The following FER1L6 variants were observed in gnomAD, a reference collection of about 807,000 sequenced individuals.
FER1L6 encodes the protein fer-1 like family member 6.
A neutral mutation model predicts 219.2 loss-of-function variants in FER1L6; 177 were observed. The ratio of observed to expected loss-of-function variants is 0.81; its 90% confidence interval spans 0.71 to 0.91. FER1L6 has a LOEUF of 0.91. Ranked by LOEUF, FER1L6 falls within the 40% of genes least tolerant of loss-of-function variation. The probability of loss-of-function intolerance (pLI) is 0.00; values close to 1 mark genes in which losing one functional copy is unlikely to be tolerated. For missense variants in FER1L6, 2,153 were observed against 2,259.9 expected (o/e 0.95, Z 0.96); for synonymous variants, 768 against 824.3 (o/e 0.93, Z 1.17).
chr8:124,044,252 G>A (rs1819626470), intron 20 of FER1L6, among the ~76,000 whole-genome samples: 1 of 152,190 alleles, frequency 6.6e-6, no homozygotes, highest in South Asian at 2.1e-4. Flanking sequence ...TTGCATTGCA[G>A]CTTTTTAACT....
At chr8:123,964,356 A>G (rs1362949976) in intron 3 of FER1L6, among the ~76,000 whole-genome samples, 4 of 152,164 alleles carry the variant, frequency 2.6e-5, no homozygotes, top group African/African-American at 9.7e-5. Context: ...ACTATCAATA[A>G]AACAAATTAG....
chr8:124,094,976 C>T lies in FER1L6; in HGVS notation c.4633C>T (p.Leu1545=). ...GGATATCCCGGAAGTCGGGTGTAGG[C>T]TGGTTCCTGAACACATAGAAACTCG... ...WEDIPEVGCR[L]VPEHIETRPL... Residue 1545 remains leucine, a synonymous_variant, in exon 35 of 41, where the codon CTG becomes TTG. Transcript: ENST00000522917. 1 of 1,614,120 alleles carries T rather than the reference C, an allele frequency of 6.2e-7. No individual in the cohort carries two copies. The highest frequency in any genetic ancestry group is 8.5e-7 in the Non-Finnish European group (1 of 1,179,996).
intron 6 of FER1L6, among the ~76,000 whole-genome samples, chr8:123,972,611 A>G (rs1004135524): frequency 6.6e-6 from 1 of 152,172 alleles, no homozygotes; most frequent in South Asian, 2.1e-4. Context: ...GGAAGTTCTG[A>G]CAGTTATAAA....
intron 1 of FER1L6, among the ~76,000 whole-genome samples, chr8:123,916,894 T>C (rs11987138): frequency 0.33 from 50,111 of 151,874 alleles, 8,776 homozygotes; most frequent in East Asian, 0.45. Flanking sequence ...CTTTGATAGG[T>C]TGATACCCAT....
intron 1 of FER1L6, among the ~76,000 whole-genome samples, chr8:123,891,551 C>A (rs1554612468): frequency 6.6e-6 from 1 of 152,060 alleles, no homozygotes; most frequent in Non-Finnish European, 1.5e-5. Context: ...CAATGAGTAA[C>A]CTACTTTAAT....
At chr8:123,878,503 G>C (rs1223132554) in intron 1 of FER1L6, among the ~76,000 whole-genome samples, 1 of 152,100 alleles carries the variant, frequency 6.6e-6, no homozygotes, top group Admixed American at 6.6e-5. Flanking sequence ...GACTTTTGTC[G>C]CTTCTACTGT....
chr8:124,112,032 G>A (rs1334624177), intron 39 of FER1L6, among the ~76,000 whole-genome samples: 1 of 152,144 alleles, frequency 6.6e-6, no homozygotes, highest in Non-Finnish European at 1.5e-5. Context: ...CAAGTTAGGT[G>A]GTCCAGAGTA....
At chr8:124,110,565 A>G (rs1354391872) in intron 39 of FER1L6, among the ~76,000 whole-genome samples, 1 of 152,240 alleles carries the variant, frequency 6.6e-6, no homozygotes, top group African/African-American at 2.4e-5. Flanking sequence ...CTCCCAACTC[A>G]AAAGCTAGTA....
chr8:124,081,665 A>G (rs954541603), intron 32 of FER1L6, among the ~76,000 whole-genome samples: 48 of 150,762 alleles, frequency 3.2e-4, no homozygotes, highest in African/African-American at 1.1e-3. Context: ...AGTCTTGTAG[A>G]GACAACGCTT....
At chr8:123,865,845 A>G (rs1328853926) in intron 1 of FER1L6, among the ~76,000 whole-genome samples, 1 of 151,396 alleles carries the variant, frequency 6.6e-6, no homozygotes, top group Non-Finnish European at 1.5e-5. Context: ...TGGCTCACGC[A>G]CGGTGCGCGC....
intron 13 of FER1L6, among the ~76,000 whole-genome samples, chr8:124,005,297 C>T (rs909827248): frequency 2.0e-5 from 3 of 152,280 alleles, no homozygotes; most frequent in South Asian, 4.1e-4. Flanking sequence ...TTCCGGAGGC[C>T]GTAGCTTATG....
chr8:123,907,682 C>G (rs1301481079), intron 1 of FER1L6, among the ~76,000 whole-genome samples: 1 of 148,290 alleles, frequency 6.7e-6, no homozygotes, highest in Admixed American at 6.6e-5. Flanking sequence ...CTGAGGGCCT[C>G]TCACTGGACA....
intron 11 of FER1L6, chr8:123,984,898 C>T (rs559436236): frequency 6.6e-6 from 1 of 152,282 alleles, no homozygotes; most frequent in Admixed American, 6.5e-5. Flanking sequence ...CTGCAGAGTT[C>T]AATCAATCCA....
intron 13 of FER1L6, among the ~76,000 whole-genome samples, chr8:124,006,360 G>T (rs1000044054): frequency 3.3e-5 from 5 of 151,728 alleles, no homozygotes; most frequent in Admixed American, 2.0e-4. Flanking sequence ...AAGTCATGCT[G>T]GTATTTTTTT....
rs114621608 is a variant in FER1L6, at chr8:123,877,057, C to T, written c.-8+24872C>T. On this transcript the variant is annotated intron_variant, in intron 1 of 40. Transcript: ENST00000522917. The stretch of plus-strand genomic sequence containing the variant: ...TGCTGTCTAGCTCCCTCCTCACCCA[C>T]ACTGGTCTGCAACTTCTGTAGGCAT... Among the ~76,000 whole-genome samples the T allele has an allele frequency of 2.8e-3, 421 of 152,364 alleles. 4 individuals carry two copies. Among genetic ancestry groups the T allele is most frequent in the African/African-American group, 9.8e-3 (408 of 41,590 alleles).
intron 18 of FER1L6, 114 bp downstream of exon 18, chr8:124,023,710 G>A: frequency 9.0e-7 from 1 of 1,112,624 alleles, no homozygotes; most frequent in Non-Finnish European, 1.2e-6. Flanking sequence ...TTCAAAGGTA[G>A]GAGGACAACT....
At chr8:124,072,250 C>T (rs1821111843) in intron 31 of FER1L6, among the ~76,000 whole-genome samples, 1 of 152,206 alleles carries the variant, frequency 6.6e-6, no homozygotes, top group Non-Finnish European at 1.5e-5. Context: ...CATGCCTCTG[C>T]ACTATTGCAG....
rs1554608009 is a variant in FER1L6 at position 123,856,316 on chromosome 8, GTATA to G, written c.-8+4161_-8+4164del. Among the ~76,000 whole-genome samples the G allele has an allele frequency of 2.7e-3, 122 of 45,082 alleles. 13 individuals are homozygous for G. Among genetic ancestry groups the G allele is most frequent in the African/African-American group, 6.3e-3 (73 of 11,508 alleles). 29.6% of individuals were successfully genotyped at this position (45,082 alleles called of 152,430 possible). A position where few individuals can be genotyped will look rare whatever the true frequency, so the allele number is the denominator to read the frequency against. Reference sequence around the variant, plus strand: ...TGTATATATATATATATATGTATGTGTATATATATATATATATATATATATATAT... The same window carrying G: ...TGTATATATATATATATATGTATGTGTATATATATATATATATATATATAT... On this transcript the variant is annotated intron_variant, in intron 1 of 40. Coordinates refer to ENST00000522917, the MANE Select transcript of FER1L6 (RefSeq NM_001039112.2).
intron 37 of FER1L6, among the ~76,000 whole-genome samples, chr8:124,098,698 T>G (rs1822414787): frequency 6.6e-6 from 1 of 152,182 alleles, no homozygotes. Context: ...TTAGGAAAGA[T>G]TAATGTATCC....
Sources: gnomAD v4.1 joint callset for allele counts (sites outside exome capture counted in the v4.1 genomes callset) on GRCh38, gnomAD v4.1.1 for gene constraint, MANE v1.5 for transcripts, NCBI Gene and HGNC (gene_info 2026-07-23, HGNC 2026-07-21) for gene names.